Variants in GALNT13 observed in about 807,000 individuals in gnomAD.
The protein encoded by GALNT13 is UDP-GalNAc:polypeptide N-acetylgalactosaminyltransferase 13.
Under a neutral mutation model 64.2 loss-of-function variants are expected in GALNT13, and 28 were observed. The ratio of observed to expected loss-of-function variants is 0.44; its 90% CI spans 0.32 to 0.60. GALNT13 has a LOEUF of 0.60. Among genes scored for constraint, GALNT13 ranks in the 20% least tolerant of loss-of-function variants. The pLI, the probability that GALNT13 is intolerant of heterozygous loss-of-function variation, is 0.05. For synonymous variants in GALNT13, 214 were observed against 224.6 expected (o/e 0.95, Z 0.42); for missense variants, 577 against 669.8 (o/e 0.86, Z 1.53).
the GALNT13 span, among the ~76,000 whole-genome samples, chr2:153,786,009 G>C: frequency 6.6e-6 from 1 of 151,836 alleles, no homozygotes. Context: ...TATGCCAGCA[G>C]TGCGGATGCT....
At chr2:153,435,216 T>C in the GALNT13 span, among the ~76,000 whole-genome samples, 2 of 152,202 alleles carry the variant, frequency 1.3e-5, no homozygotes, top group African/African-American at 2.4e-5. Context: ...TACCATGCTG[T>C]TTTGGTTACT....
At chr2:154,195,928 A>T (rs1018161578) in intron 4 of GALNT13, among the ~76,000 whole-genome samples, 4 of 152,150 alleles carry the variant, frequency 2.6e-5, no homozygotes, top group Non-Finnish European at 5.9e-5. Flanking sequence ...CTATTCATAG[A>T]TCTATGATTA....
chr2:153,094,337 T>A, the GALNT13 span, among the ~76,000 whole-genome samples: 7 of 152,138 alleles, frequency 4.6e-5, no homozygotes, highest in Admixed American at 3.3e-4. Flanking sequence ...ATAATTTGTT[T>A]CAAGACCTCT....
At chr2:154,235,498 A>G (rs557021173) in intron 4 of GALNT13, among the ~76,000 whole-genome samples, 1 of 152,318 alleles carries the variant, frequency 6.6e-6, no homozygotes, top group Non-Finnish European at 1.5e-5. Context: ...TCTCTCTCTG[A>G]ATATGAATGT....
In GALNT13 at chr2:154,213,561, G is replaced by C. The variant is rs530714715; in HGVS notation, c.312-28469G>C. On this transcript the variant is annotated intron_variant, in intron 4 of 12. Transcript: ENST00000392825. ...GCAGATTAGAAAATAAAAAGGACTAGATGGGTATGAAGAATGAGTAAGAGA... is the reference window on the plus strand; with the variant it reads ...GCAGATTAGAAAATAAAAAGGACTACATGGGTATGAAGAATGAGTAAGAGA... 5.9e-5 allele frequency among the ~76,000 whole-genome samples: 9 copies of C among 151,736 alleles called. No homozygotes were observed. In the East Asian group the frequency reaches 1.6e-3, roughly 26 times the overall value.
chr2:154,257,570 T>C (rs951946973), intron 7 of GALNT13: 13 of 152,128 alleles, frequency 8.5e-5, no homozygotes, highest in African/African-American at 3.1e-4. Context: ...ACTCAGAAGG[T>C]CAATGATACT....
At chr2:153,846,884 A>G in the GALNT13 span, among the ~76,000 whole-genome samples, 1 of 152,146 alleles carries the variant, frequency 6.6e-6, no homozygotes, top group Admixed American at 6.5e-5. Flanking sequence ...CCTAAAGGAG[A>G]AAGGCTAGAA....
chr2:153,529,417 T>G, the GALNT13 span, among the ~76,000 whole-genome samples: 1 of 133,748 alleles, frequency 7.5e-6, no homozygotes, highest in Non-Finnish European at 1.6e-5. Context: ...AAAGACGTTA[T>G]AAAAAGTCTC....
At chr2:154,082,507 T>C (rs924608948) in intron 3 of GALNT13, among the ~76,000 whole-genome samples, 7 of 151,726 alleles carry the variant, frequency 4.6e-5, no homozygotes, top group African/African-American at 1.7e-4. Flanking sequence ...GCAACTCTAT[T>C]GTGATGAATA....
the GALNT13 span, among the ~76,000 whole-genome samples, chr2:153,144,587 G>T: frequency 6.6e-6 from 1 of 151,894 alleles, no homozygotes; most frequent in Non-Finnish European, 1.5e-5. Context: ...ATAGGAGGAA[G>T]AAAGAATAAT....
chr2:153,591,083 C>T, the GALNT13 span, among the ~76,000 whole-genome samples: 142 of 152,076 alleles, frequency 9.3e-4, no homozygotes, highest in African/African-American at 3.2e-3. Flanking sequence ...AATTCCACCA[C>T]GAAAACTCTT....
chr2:153,099,788 A>T, the GALNT13 span, among the ~76,000 whole-genome samples: 2 of 152,142 alleles, frequency 1.3e-5, no homozygotes, highest in Non-Finnish European at 2.9e-5. Flanking sequence ...TAGGCAATTA[A>T]TATTTATTGA....
the GALNT13 span, among the ~76,000 whole-genome samples, chr2:153,281,823 CTTT>C: frequency 7.6e-6 from 1 of 132,004 alleles, no homozygotes; most frequent in African/African-American, 2.7e-5. Flanking sequence ...GCTTTTAAGG[CTTT>C]TTTTTTTTTT....
chr2:154,385,274 AGT>A (rs1418140399), intron 9 of GALNT13, among the ~76,000 whole-genome samples: 1 of 151,994 alleles, frequency 6.6e-6, no homozygotes, highest in Non-Finnish European at 1.5e-5. Context: ...AGATCAATAA[AGT>A]AACTCATTAT....
At chr2:153,562,060 C>CTGTGTGTGTGTGTGTGTG in the GALNT13 span, among the ~76,000 whole-genome samples, 16 of 118,958 alleles carry the variant, frequency 1.3e-4, no homozygotes, top group South Asian at 2.3e-3. Context: ...CTCTCTCTCT[C>CTGTGTGTGTGTGTGTGTG]TGTGTGTGTG....
chr2:153,142,327 A>C, the GALNT13 span, among the ~76,000 whole-genome samples: 1 of 152,056 alleles, frequency 6.6e-6, no homozygotes, highest in East Asian at 1.9e-4. Flanking sequence ...CCCAGTGCCC[A>C]GTGGGATTGC....
chr2:153,717,108 A>G, the GALNT13 span, among the ~76,000 whole-genome samples: 2 of 152,236 alleles, frequency 1.3e-5, no homozygotes, highest in African/African-American at 4.8e-5. Context: ...GAAGCACTGT[A>G]GCTTCCTTGC....
At position 154,232,046 on chromosome 2, in the gene GALNT13, A is replaced by AAG. The variant is rs745758874; in HGVS notation, c.312-9964_312-9963dup. On this transcript the variant is annotated intron_variant, in intron 4 of 12. Transcript: ENST00000392825. ...ACTGAAGCACAGAGAGTTAAAACAA[A>AAG]AGAGAGAGAGAGAGAGAGAGAAGCC... 8.8e-4 allele frequency among the ~76,000 whole-genome samples: 131 copies of AAG among 149,214 alleles called. 1 individual carries two copies. Among genetic ancestry groups the AAG allele is most frequent in the Admixed American group, 2.6e-3 (39 of 14,938 alleles).
chr2:153,201,979 T>C, the GALNT13 span, among the ~76,000 whole-genome samples: 272 of 145,830 alleles, frequency 1.9e-3, 7 homozygotes, highest in East Asian at 0.046. Context: ...ATTTCTTTTT[T>C]TTTTTTTTTT....
Sources: gnomAD v4.1 joint callset for allele counts (sites outside exome capture counted in the v4.1 genomes callset) on GRCh38, gnomAD v4.1.1 for gene constraint, MANE v1.5 for transcripts, NCBI Gene and HGNC (gene_info 2026-07-23, HGNC 2026-07-21) for gene names.